Variants in RAB38 observed in about 807,000 individuals in gnomAD.
RAB38 encodes RAB38, member RAS oncogene family, also known as ras-related protein Rab-38.
RAB38 carries 15 observed loss-of-function variants against 18.4 expected under a neutral mutation model. The observed-to-expected ratio is 0.82, with a 90% CI of 0.55 to 1.26. RAB38 has a LOEUF of 1.26. Ranked by LOEUF, RAB38 falls within the 50% of genes most tolerant of loss-of-function variation. RAB38 has a pLI of 0.00. For missense variants in RAB38, 294 were observed against 267.4 expected, an observed-to-expected ratio of 1.10 and a Z score of -0.69; for synonymous variants, 101 against 104.4, an observed-to-expected ratio of 0.97 and a Z score of 0.20.
the RAB38 span, among the ~76,000 whole-genome samples, chr11:87,914,828 G>T: frequency 2.0e-5 from 3 of 152,298 alleles, no homozygotes; most frequent in South Asian, 6.2e-4. Context: ...GGCTGAAGCA[G>T]CCATGTCTCC....
intron 2 of RAB38, among the ~76,000 whole-genome samples, chr11:88,129,545 G>A (rs1418160939): frequency 6.6e-6 from 1 of 152,118 alleles, no homozygotes; most frequent in Non-Finnish European, 1.5e-5. Flanking sequence ...GGAGGCTGAG[G>A]CACAAGAATT....
chr11:88,055,768 A>G, the RAB38 span, among the ~76,000 whole-genome samples: 10 of 152,348 alleles, frequency 6.6e-5, no homozygotes, highest in Middle Eastern at 6.8e-3. Flanking sequence ...GGAAAACGAA[A>G]GATGAACAAG....
chr11:87,873,920 G>GTATA, the RAB38 span, among the ~76,000 whole-genome samples: 24 of 33,826 alleles, frequency 7.1e-4, no homozygotes, highest in Admixed American at 2.2e-3. Flanking sequence ...GTGTGTGTGT[G>GTATA]TGTATATATA....
chr11:87,817,898 T>C, the RAB38 span, among the ~76,000 whole-genome samples: 8 of 152,300 alleles, frequency 5.3e-5, no homozygotes, highest in South Asian at 1.4e-3. Flanking sequence ...AGTGATTAGA[T>C]GGGCTCAAAG....
At chr11:88,130,812 A>G (rs1185318677) in intron 2 of RAB38, among the ~76,000 whole-genome samples, 3 of 152,198 alleles carry the variant, frequency 2.0e-5, no homozygotes, top group Non-Finnish European at 4.4e-5. Flanking sequence ...GATTGGATGA[A>G]GTCATAAAAG....
At chr11:88,008,402 C>A in the RAB38 span, among the ~76,000 whole-genome samples, 128,894 of 152,060 alleles carry the variant, frequency 0.85, 54,740 homozygotes, top group South Asian at 0.91. Context: ...AGAAGAAGAG[C>A]ATTAGAACAG....
the RAB38 span, among the ~76,000 whole-genome samples, chr11:88,045,079 T>G: frequency 2.0e-5 from 3 of 152,176 alleles, no homozygotes; most frequent in Admixed American, 1.3e-4. Context: ...CTCTTTTTCA[T>G]CGAATATAAA....
the RAB38 span, among the ~76,000 whole-genome samples, chr11:87,973,515 T>A: frequency 6.6e-6 from 1 of 152,004 alleles, no homozygotes; most frequent in Admixed American, 6.6e-5. Flanking sequence ...TACACCCCTG[T>A]CTACGGTGCT....
chr11:88,051,247 C>T, the RAB38 span, among the ~76,000 whole-genome samples: 1,284 of 151,916 alleles, frequency 8.5e-3, 67 homozygotes, highest in Non-Finnish European at 2.4e-3. Flanking sequence ...AAAGTGATCC[C>T]CAGGGTACTG....
the RAB38 span, among the ~76,000 whole-genome samples, chr11:87,836,013 C>A: frequency 6.6e-6 from 1 of 152,160 alleles, no homozygotes; most frequent in Non-Finnish European, 1.5e-5. Flanking sequence ...TATACTTTTT[C>A]TTCAACAAGT....
the RAB38 span, among the ~76,000 whole-genome samples, chr11:87,921,448 TATG>T: frequency 6.6e-6 from 1 of 151,804 alleles, no homozygotes; most frequent in Non-Finnish European, 1.5e-5. Flanking sequence ...TCGGCTAAGC[TATG>T]ATGTTTAGTA....
chr11:87,901,409 T>G, the RAB38 span, among the ~76,000 whole-genome samples: 5 of 151,762 alleles, frequency 3.3e-5, no homozygotes, highest in South Asian at 6.2e-4. Context: ...AGAATTGTTT[T>G]GGAGAACTTG....
chr11:87,889,701 G>C, the RAB38 span, among the ~76,000 whole-genome samples: 1 of 151,790 alleles, frequency 6.6e-6, no homozygotes. Context: ...AGAAGTGTCA[G>C]GTTTGAATCC....
the RAB38 span, among the ~76,000 whole-genome samples, chr11:87,842,812 GCGCGCACACA>G: frequency 1.5e-5 from 1 of 66,232 alleles, no homozygotes; most frequent in African/African-American, 7.3e-5. Flanking sequence ...ACACACACGC[GCGCGCACACA>G]CACACACACA....
intron 1 of RAB38, among the ~76,000 whole-genome samples, chr11:88,174,841 T>C (rs1943362894): frequency 6.6e-6 from 1 of 152,158 alleles, no homozygotes; most frequent in South Asian, 2.1e-4. Flanking sequence ...CTGGGCTGCG[T>C]CATTGGCAGA....
chr11:88,118,527 G>T (rs1018468353), intron 2 of RAB38, among the ~76,000 whole-genome samples: 9 of 152,208 alleles, frequency 5.9e-5, no homozygotes, highest in Admixed American at 2.0e-4. Context: ...TAGAAACAGA[G>T]TTGCCAGAAT....
chr11:87,868,154 G>A, the RAB38 span, among the ~76,000 whole-genome samples: 2 of 151,650 alleles, frequency 1.3e-5, no homozygotes, highest in African/African-American at 4.8e-5. Flanking sequence ...GAAGCCTAAT[G>A]GGAGGTGTTT....
chr11:87,870,462 A>T, the RAB38 span, among the ~76,000 whole-genome samples: 1 of 146,740 alleles, frequency 6.8e-6, no homozygotes, highest in Non-Finnish European at 1.5e-5. Flanking sequence ...TTTGTCAAAT[A>T]AAAAAAAAAT....
chr11:87,821,269 T>A, the RAB38 span, among the ~76,000 whole-genome samples: 1 of 151,952 alleles, frequency 6.6e-6, no homozygotes, highest in Non-Finnish European at 1.5e-5. Flanking sequence ...ACAAGAAGAG[T>A]TGATTTTGCA....
Sources: allele counts gnomAD v4.1 joint callset (sites outside exome capture counted in the v4.1 genomes callset), GRCh38; gene constraint gnomAD v4.1.1; transcripts MANE v1.5; gene names NCBI Gene and HGNC (gene_info 2026-07-23, HGNC 2026-07-21).